TUSC3: variants seen among roughly 807,000 people sequenced by gnomAD.
TUSC3 encodes tumor suppressor candidate 3, also known as dolichyl-diphosphooligosaccharide--protein glycosyltransferase subunit TUSC3.
A neutral mutation model predicts 44.8 loss-of-function variants in TUSC3; 45 were observed. That is an observed-to-expected ratio of 1.00 (90% CI 0.79 to 1.29). The LOEUF (loss-of-function observed/expected upper bound fraction) is 1.29, where lower values mean the gene tolerates loss of function less well. Ranked by LOEUF, TUSC3 falls within the 50% of genes most tolerant of loss-of-function variation. The pLI is 0.00. For synonymous variants in TUSC3, 212 were observed against 152.9 expected (o/e 1.39, Z -2.85); for missense variants, 519 against 437.9 (o/e 1.19, Z -1.65).
intron 1 of TUSC3, among the ~76,000 whole-genome samples, chr8:15,610,093 G>C (rs896381585): frequency 1.3e-5 from 2 of 151,904 alleles, no homozygotes; most frequent in African/African-American, 2.4e-5. Context: ...AAATTTTTAA[G>C]GTATATTAAG....
chr8:15,582,067 A>G (rs1803378940), intron 1 of TUSC3, among the ~76,000 whole-genome samples: 7 of 151,884 alleles, frequency 4.6e-5, no homozygotes, highest in Admixed American at 3.9e-4. Context: ...CAGTGACCCG[A>G]TTTTCCAGGT....
chr8:15,497,263 A>G lies in TUSC3; in HGVS notation n.189+13780A>G, dbSNP rs114743313. 3.5e-3 allele frequency among the ~76,000 whole-genome samples: 526 copies of G among 152,274 alleles called. 2 individuals are homozygous for G. The highest frequency in any genetic ancestry group is 0.012 in the African/African-American group (501 of 41,538). On this transcript the variant is annotated intron_variant and non_coding_transcript_variant, in intron 2 of 5. Coordinates refer to the TUSC3 transcript ENST00000503191. ...TGTTAGCGTCTGCTTCCAAGTCCCA[A>G]TTCCCACCGGGTGATTTAAAGAGGG...
intron 1 of TUSC3, among the ~76,000 whole-genome samples, chr8:15,576,274 C>G (rs1247197702): frequency 8.1e-6 from 1 of 123,252 alleles, no homozygotes; most frequent in African/African-American, 2.9e-5. Flanking sequence ...TTTCTTGGTC[C>G]TCTTGTTTTT....
chr8:15,503,847 C>A (rs543170189), intron 2 of TUSC3, among the ~76,000 whole-genome samples: 1 of 151,846 alleles, frequency 6.6e-6, no homozygotes, highest in East Asian at 2.0e-4. Context: ...ACTAAAAATA[C>A]AAAAATGGTA....
At chr8:15,563,512 C>G (rs546959536) in intron 1 of TUSC3, among the ~76,000 whole-genome samples, 1 of 151,716 alleles carries the variant, frequency 6.6e-6, no homozygotes, top group Non-Finnish European at 1.5e-5. Context: ...ATGGTGAAAC[C>G]CTGTCTCTGC....
intron 6 of TUSC3, among the ~76,000 whole-genome samples, chr8:15,726,506 C>G (rs1342299777): frequency 1.3e-5 from 2 of 151,998 alleles, no homozygotes; most frequent in Non-Finnish European, 2.9e-5. Flanking sequence ...TTCATATGCT[C>G]TATGAAATAT....
chr8:15,621,752 C>G (rs978626369), intron 1 of TUSC3, among the ~76,000 whole-genome samples: 4 of 149,018 alleles, frequency 2.7e-5, no homozygotes, highest in Admixed American at 2.0e-4. Context: ...CAGTTGATGC[C>G]CTTTGGTTGT....
At chr8:15,623,526 T>C (rs1805346557) in intron 2 of TUSC3, among the ~76,000 whole-genome samples, 1 of 152,072 alleles carries the variant, frequency 6.6e-6, no homozygotes. Flanking sequence ...TGTAGGTCAC[T>C]CAGTTATAGC....
At chr8:15,718,440 T>G (rs2129202882) in intron 6 of TUSC3, among the ~76,000 whole-genome samples, 1 of 152,290 alleles carries the variant, frequency 6.6e-6, no homozygotes. Context: ...TGTACAGTTT[T>G]GATTTTAGAG....
intron 2 of TUSC3, among the ~76,000 whole-genome samples, chr8:15,534,536 G>A (rs968689885): frequency 2.0e-5 from 3 of 151,908 alleles, no homozygotes; most frequent in African/African-American, 2.4e-5. Context: ...CCAGCTACTC[G>A]GGAGGCTGAG....
chr8:15,767,886 G>C (rs377110711), downstream of TUSC3, among the ~76,000 whole-genome samples: 29 of 152,288 alleles, frequency 1.9e-4, no homozygotes, highest in East Asian at 4.8e-3. Flanking sequence ...GGAAAAGCTG[G>C]ATAGTGAAAT....
chr8:15,833,393 G>A, the TUSC3 span, among the ~76,000 whole-genome samples: 1 of 152,114 alleles, frequency 6.6e-6, no homozygotes, highest in African/African-American at 2.4e-5. Context: ...ATTTTAACAT[G>A]AAGACACATA....
At chr8:15,820,365 G>A in the TUSC3 span, among the ~76,000 whole-genome samples, 2,640 of 143,912 alleles carry the variant, frequency 0.018, 41 homozygotes, top group Middle Eastern at 0.07. Flanking sequence ...AAGCTGGAGT[G>A]CAGTGGCGCG....
chr8:15,542,334 T>C (rs1299050537), intron 1 of TUSC3, among the ~76,000 whole-genome samples: 1 of 152,094 alleles, frequency 6.6e-6, no homozygotes, highest in Non-Finnish European at 1.5e-5. Context: ...GAATAGATTG[T>C]AAATGTTTCT....
At chr8:15,816,803 C>T in the TUSC3 span, among the ~76,000 whole-genome samples, 1 of 152,182 alleles carries the variant, frequency 6.6e-6, no homozygotes, top group Non-Finnish European at 1.5e-5. Context: ...ACAAATGATA[C>T]AATGTAAGTA....
At chr8:15,828,322 T>C in the TUSC3 span, among the ~76,000 whole-genome samples, 62 of 152,344 alleles carry the variant, frequency 4.1e-4, no homozygotes, top group Non-Finnish European at 5.0e-4. Flanking sequence ...CTACAGTTTG[T>C]AGATTGGTTT....
At chr8:15,476,959 A>T (rs1419535986) in intron 1 of TUSC3, among the ~76,000 whole-genome samples, 1 of 152,222 alleles carries the variant, frequency 6.6e-6, no homozygotes, top group Non-Finnish European at 1.5e-5. Flanking sequence ...AAGTGAAGTT[A>T]CAAAGTTACA....
intron 1 of TUSC3, among the ~76,000 whole-genome samples, chr8:15,542,473 G>C (rs1193592440): frequency 6.6e-6 from 1 of 151,946 alleles, no homozygotes; most frequent in African/African-American, 2.4e-5. Context: ...TTTCAGGTTA[G>C]CTTTGGGATA....
intron 2 of TUSC3, among the ~76,000 whole-genome samples, chr8:15,490,766 A>C (rs1004036836): frequency 6.6e-6 from 1 of 152,262 alleles, no homozygotes; most frequent in African/African-American, 2.4e-5. Context: ...AAAGAAAGTC[A>C]CCAAAACAAT....
Sources: gnomAD v4.1 joint callset for allele counts (sites outside exome capture counted in the v4.1 genomes callset) on GRCh38, gnomAD v4.1.1 for gene constraint, MANE v1.5 for transcripts, NCBI Gene and HGNC (gene_info 2026-07-23, HGNC 2026-07-21) for gene names.